GABRB3: variants seen among roughly 807,000 people sequenced by gnomAD.
GABRB3 encodes the protein gamma-aminobutyric acid receptor subunit beta-3.
A neutral mutation model predicts 52.1 loss-of-function variants in GABRB3; 14 were observed. The ratio of observed to expected loss-of-function variants is 0.27; its 90% CI spans 0.18 to 0.42. The LOEUF (loss-of-function observed/expected upper bound fraction) is 0.42, where lower values mean the gene tolerates loss of function less well. Among genes scored for constraint, GABRB3 ranks in the 10% least tolerant of loss-of-function variants. GABRB3 has a pLI of 1.00. For synonymous variants in GABRB3, 260 were observed against 232.3 expected, an observed-to-expected ratio of 1.12 and a Z score of -1.08; for missense variants, 307 against 609.1, an observed-to-expected ratio of 0.50 and a Z score of 5.22.
rs1373096139 is a variant in GABRB3 at position 26,631,173 on chromosome 15, G to A, written c.241-9639C>T. 2.0e-5 allele frequency among the ~76,000 whole-genome samples: 3 copies of A among 152,126 alleles called. No homozygotes were observed. In the East Asian group the frequency reaches 5.8e-4, roughly 29 times the overall value. On this transcript the variant is annotated intron_variant, in intron 3 of 8. Transcript: ENST00000311550. ...AGTGAAGCATTTATACATAGTGACT[G>A]CCCTTTCAAAATCTCCTGAGTATAT...
rs1192693603 is a variant in GABRB3 at position 26,547,695 on chromosome 15, CTTGTGTGTCTGT to C, written c.*86_*97del. ...GCGTATGTATATATGTGTGTGTCTG[CTTGTGTGTCTGT>C]GTGTGTACAGGTATAAAAACTTGAC... On this transcript the variant is annotated 3_prime_UTR_variant, in exon 9 of 9. Coordinates refer to ENST00000311550, the MANE Select transcript of GABRB3 (RefSeq NM_000814.6). 2.3e-6 allele frequency: 2 copies of C among 885,796 alleles called. No individual in the cohort carries two copies. The highest frequency in any genetic ancestry group is 3.7e-6 in the Non-Finnish European group (2 of 536,484). 54.9% of individuals were successfully genotyped at this position (885,796 alleles called of 1,614,324 possible).
At chr15:26,561,328 C>A in intron 7 of GABRB3, 152 bp from the exon 8 acceptor site, 4 of 1,114,924 alleles carry the variant, frequency 3.6e-6, no homozygotes, top group South Asian at 1.3e-5. Context: ...GAGCATACAT[C>A]TTGTCATTTG....
intron 3 of GABRB3, among the ~76,000 whole-genome samples, chr15:26,639,101 A>G (rs772185261): frequency 3.3e-5 from 5 of 152,186 alleles, no homozygotes; most frequent in Non-Finnish European, 7.3e-5. Flanking sequence ...ACCGGTTTTC[A>G]GATGGTTCTC....
intron 4 of GABRB3, among the ~76,000 whole-genome samples, chr15:26,585,001 GGCTTGTGAT>G (rs957879171): frequency 4.9e-4 from 74 of 152,202 alleles, no homozygotes; most frequent in African/African-American, 1.6e-3. Flanking sequence ...ATGGTTTACA[GGCTTGTGAT>G]GCTGTTTTCA....
chr15:26,683,499 G>A (rs1419418956), intron 3 of GABRB3, among the ~76,000 whole-genome samples: 1 of 152,204 alleles, frequency 6.6e-6, no homozygotes, highest in African/African-American at 2.4e-5. Context: ...GCTTTAAAAG[G>A]TTGGTGAATG....
At chr15:26,719,588 T>C (rs1889590107) in intron 3 of GABRB3, among the ~76,000 whole-genome samples, 1 of 152,244 alleles carries the variant, frequency 6.6e-6, no homozygotes, top group Non-Finnish European at 1.5e-5. Flanking sequence ...TTTATTATCA[T>C]TCAAGCACAG....
intron 8 of GABRB3, among the ~76,000 whole-genome samples, chr15:26,553,805 A>G (rs2140658870): frequency 6.6e-6 from 1 of 151,990 alleles, no homozygotes; most frequent in East Asian, 2.0e-4. Flanking sequence ...CAAGGGGTCT[A>G]ACTGATGAGA....
At position 26,666,885 on chromosome 15, in the gene GABRB3, GCTCT is replaced by G. The variant is rs1887730180; in HGVS notation, c.241-45355_241-45352del. The stretch of plus-strand genomic sequence containing the variant: ...GAAGCGTTGAGCAAGAAGGATCAGG[GCTCT>G]CTGTTTCCACTACAGCCACCTCTAG... On this transcript the variant is annotated intron_variant, in intron 3 of 8. Coordinates refer to ENST00000311550, the MANE Select transcript of GABRB3 (RefSeq NM_000814.6). 5.3e-5 allele frequency among the ~76,000 whole-genome samples: 8 copies of G among 152,272 alleles called. No homozygotes were observed. In the South Asian group the frequency reaches 1.7e-3, roughly 32 times the overall value.
At chr15:26,613,767 T>G (rs1892161321) in intron 4 of GABRB3, 1 of 152,156 alleles carries the variant, frequency 6.6e-6, no homozygotes, top group Non-Finnish European at 1.5e-5. Context: ...CAAGATAATG[T>G]CAGCTCTGGA....
intron 3 of GABRB3, among the ~76,000 whole-genome samples, chr15:26,735,512 G>A (rs1355807588): frequency 6.6e-6 from 1 of 152,206 alleles, no homozygotes; most frequent in Admixed American, 6.5e-5. Context: ...ATGTAGAAGT[G>A]ACCCAGGAAT....
At chr15:26,612,804 T>C (rs941295470) in intron 4 of GABRB3, 10 of 152,132 alleles carry the variant, frequency 6.6e-5, no homozygotes, top group African/African-American at 2.2e-4. Flanking sequence ...TTAGGACAAA[T>C]AGCTAAGCAT....
chr15:26,571,048 T>A (rs1890375631), intron 6 of GABRB3, among the ~76,000 whole-genome samples: 1 of 152,206 alleles, frequency 6.6e-6, no homozygotes, highest in South Asian at 2.1e-4. Context: ...CACAAAAGGC[T>A]CAACATCCTT....
chr15:26,608,535 A>T (rs1891928137), intron 4 of GABRB3, among the ~76,000 whole-genome samples: 1 of 152,148 alleles, frequency 6.6e-6, no homozygotes, highest in African/African-American at 2.4e-5. Context: ...ACATATGTGC[A>T]AGCAATCCAT....
At chr15:26,763,051 T>C (rs1890862894) in intron 3 of GABRB3, among the ~76,000 whole-genome samples, 1 of 152,204 alleles carries the variant, frequency 6.6e-6, no homozygotes, top group African/African-American at 2.4e-5. Flanking sequence ...CCGCCCCCTT[T>C]CTAGGATGCA....
intron 4 of GABRB3, among the ~76,000 whole-genome samples, chr15:26,585,952 A>G (rs1400255112): frequency 1.3e-5 from 2 of 152,200 alleles, no homozygotes; most frequent in Non-Finnish European, 2.9e-5. Flanking sequence ...GAAGAAGAAA[A>G]GAACCTTCAC....
intron 3 of GABRB3, among the ~76,000 whole-genome samples, chr15:26,763,989 TAAATTTAA>T (rs1890894521): frequency 6.6e-6 from 1 of 150,740 alleles, no homozygotes. Flanking sequence ...CTACTAAAAA[TAAATTTAA>T]AAATTAGCCA....
At chr15:26,726,781 A>G (rs917149322) in intron 3 of GABRB3, among the ~76,000 whole-genome samples, 1 of 152,156 alleles carries the variant, frequency 6.6e-6, no homozygotes, top group Non-Finnish European at 1.5e-5. Flanking sequence ...TCTACACTGT[A>G]AAGTCACTGT....
chr15:26,621,183 C>G lies in GABRB3; in HGVS notation c.461+131G>C. ...TTATGAGATTTTTTTTTCTGCAAAGCTTTAGTGCTTCATAGATGCTTCCTA... is the reference window on the plus strand; with the variant it reads ...TTATGAGATTTTTTTTTCTGCAAAGGTTTAGTGCTTCATAGATGCTTCCTA... On this transcript the variant is annotated intron_variant, in intron 4 of 8. Coordinates refer to ENST00000311550, the MANE Select transcript of GABRB3 (RefSeq NM_000814.6). The surrounding 1 kb of genome is among the most constrained non-coding windows in gnomAD (Gnocchi z 4.1). 1 of 813,656 alleles carries G rather than the reference C, an allele frequency of 1.2e-6. No homozygotes were observed. Among genetic ancestry groups the G allele is most frequent in the Admixed American group, 1.9e-5 (1 of 51,462 alleles). The allele number at this position is 813,656 out of a possible 1,614,324, so 50.4% of individuals were successfully genotyped here.
intron 7 of GABRB3, 48 bp from the exon 8 acceptor site, chr15:26,561,224 T>C (rs1889973407): frequency 1.9e-6 from 3 of 1,609,140 alleles, no homozygotes; most frequent in Non-Finnish European, 2.5e-6. Context: ...GCCACATTGG[T>C]CTTCACTTTT....
Sources: gnomAD v4.1 joint callset for allele counts (sites outside exome capture counted in the v4.1 genomes callset) on GRCh38, gnomAD v4.1.1 for gene constraint, Gnocchi (gnomAD v3.1) non-coding constraint, MANE v1.5 for transcripts, NCBI Gene and HGNC (gene_info 2026-07-23, HGNC 2026-07-21) for gene names.